Variants in BEST1 observed in about 807,000 individuals in gnomAD.
The protein encoded by BEST1 is bestrophin 1.
In BEST1, 58 loss-of-function variants were observed where a neutral mutation model predicts 63.3. That is an observed-to-expected ratio of 0.92 (90% CI 0.74 to 1.14). The LOEUF (loss-of-function observed/expected upper bound fraction) is 1.14. Ranked by LOEUF, BEST1 falls within the 50% of genes most tolerant of loss-of-function variation. The probability of loss-of-function intolerance (pLI) is 0.00; values close to 1 mark genes in which losing one functional copy is unlikely to be tolerated. For synonymous variants in BEST1, 283 were observed against 291.6 expected (o/e 0.97, Z 0.30); for missense variants, 671 against 740.1 (o/e 0.91, Z 1.08).
In BEST1 at chr11:61,964,195, T is replaced by C. The variant is rs1403941659; in HGVS notation, c.*73T>C. On this transcript the variant is annotated 3_prime_UTR_variant, in exon 11 of 11. Transcript: ENST00000378043. ...GTACACCAGCAGGACACTGATCCAG[T>C]CACAGCCATACAGCTGTCCACACTG... is the stretch of plus-strand genomic sequence containing the variant. The C allele has an allele frequency of 1.2e-5, 20 of 1,609,946 alleles. No individual in the cohort carries two copies. Among genetic ancestry groups the C allele is most frequent in the Non-Finnish European group, 1.7e-5 (20 of 1,178,618 alleles).
chr11:61,964,906 G>T, downstream of BEST1: 1 of 1,612,156 alleles, frequency 6.2e-7, no homozygotes, highest in Non-Finnish European at 8.5e-7. Context: ...AAAACAATGG[G>T]GAAGACAGTT....
At chr11:61,952,532 T>C (rs112720784) in intron 2 of BEST1, among the ~76,000 whole-genome samples, 1,702 of 146,700 alleles carry the variant, frequency 0.012, 28 homozygotes, top group African/African-American at 0.04. Context: ...GTGGGGGCAA[T>C]CTTGGCTCAC....
At position 61,955,340 on chromosome 11, in the gene BEST1, T is replaced by C. The variant is rs1941189341; in HGVS notation, c.247+139T>C. 5 of 1,531,208 alleles carry C rather than the reference T, an allele frequency of 3.3e-6. 1 individual carries two copies. In the South Asian group the frequency reaches 6.1e-5, roughly 19 times the overall value. 94.9% of individuals were successfully genotyped at this position (1,531,208 alleles called of 1,614,324 possible). A position where few individuals can be genotyped will look rare whatever the true frequency, so the allele number is the denominator to read the frequency against. ...CCAGCGGCAGGTCGGCGCCTCTCTG[T>C]AGGGAAAGGTGCGGACTGCAGCCAG... On this transcript the variant is annotated intron_variant, in intron 3 of 10. Coordinates refer to ENST00000378043, the MANE Select transcript of BEST1 (RefSeq NM_004183.4).
At chr11:61,958,916 ACACACACG>A (rs370893320) in intron 7 of BEST1, 91,416 of 179,314 alleles carry the variant, frequency 0.51, 27,706 homozygotes, top group Non-Finnish European at 0.63. Flanking sequence ...ATACACACAC[ACACACACG>A]CATTCCTATT....
intron 7 of BEST1, 109 bp from the exon 8 acceptor site, chr11:61,959,389 C>T: frequency 1.9e-6 from 2 of 1,055,480 alleles, no homozygotes; most frequent in Non-Finnish European, 2.9e-6. Flanking sequence ...AGTGGTCAGG[C>T]AGGAAGGGCG....
intron 3 of BEST1, 40 bp downstream of exon 3, chr11:61,955,241 G>T: frequency 1.2e-6 from 2 of 1,609,350 alleles, no homozygotes; most frequent in South Asian, 1.1e-5. Flanking sequence ...CCCTGTGGCC[G>T]CCCAGGCTCC....
At chr11:61,954,247 C>G (rs979869748) in intron 2 of BEST1, among the ~76,000 whole-genome samples, 1 of 152,078 alleles carries the variant, frequency 6.6e-6, no homozygotes, top group African/African-American at 2.4e-5. Flanking sequence ...TATCAACACC[C>G]CCACACTACA....
chr11:61,962,706 G>C lies in BEST1; in HGVS notation c.1552G>C (p.Glu518Gln). 2 of 1,614,256 alleles carry C rather than the reference G, an allele frequency of 1.2e-6. No homozygotes were observed. Among genetic ancestry groups the C allele is most frequent in the Non-Finnish European group, 1.7e-6 (2 of 1,180,052 alleles). The change falls in exon 10 of 11, where the codon GAG becomes CAG. Residue 518 changes from glutamate (E) to glutamine (Q), a missense_variant. Transcript: ENST00000378043. The stretch of plus-strand genomic sequence containing the variant: ...CAAGAAAAGTTTTGAATTGCTCTCA[G>C]AGAGCGATGGGGCCTTGATGGAGCA... Reference protein sequence around the residue: ...GAKKSFELLSESDGALMEHPE... With the variant: ...GAKKSFELLSQSDGALMEHPE...
Position 61,962,967 on chromosome 11 carries a change from C to A in BEST1, c.1739+74C>A, listed in dbSNP as rs566374710. On this transcript the variant is annotated intron_variant, in intron 10 of 10. Transcript: ENST00000378043. Reference sequence around the variant, plus strand: ...CCCAGCTTCCCTTGCTCTGAGCCTACCCTTCCTCCACAATTTCCTAGGGTT... The same window carrying A: ...CCCAGCTTCCCTTGCTCTGAGCCTAACCTTCCTCCACAATTTCCTAGGGTT... 9.1e-4 allele frequency: 1,474 copies of A among 1,612,814 alleles called. 31 individuals carry two copies. In the South Asian group the frequency reaches 0.016, roughly 17 times the overall value.
chr11:61,955,678 C>A lies in BEST1; in HGVS notation c.248-40C>A, dbSNP rs1327175560. 1.8e-5 allele frequency: 27 copies of A among 1,528,458 alleles called. No individual in the cohort carries two copies. The Admixed American group carries it at 2.4e-4, about 13-fold the overall frequency. The allele number at this position is 1,528,458 out of a possible 1,614,324, so 94.7% of individuals were successfully genotyped here. A position where few individuals can be genotyped will look rare whatever the true frequency, so the allele number is the denominator to read the frequency against. ...GCTGGGCCCTGGGCTCTGGCCGCAG[C>A]CTGGCCCCTCGCCCCTCGCCCCCCG... On this transcript the variant is annotated intron_variant, in intron 3 of 10. Coordinates refer to ENST00000378043, the MANE Select transcript of BEST1 (RefSeq NM_004183.4).
At chr11:61,951,981 G>C (rs750997078) in intron 2 of BEST1, 23 bp downstream of exon 2, 5 of 1,610,176 alleles carry the variant, frequency 3.1e-6, no homozygotes, top group Non-Finnish European at 3.4e-6. Context: ...GGGCTGGGCC[G>C]GGGGGCCTGG....
chr11:61,965,269 G>T, downstream of BEST1: 1 of 1,591,850 alleles, frequency 6.3e-7, no homozygotes, highest in Non-Finnish European at 8.6e-7. Context: ...AAAGCCCAGT[G>T]TATCATCACT....
intron 9 of BEST1, chr11:61,961,921 G>C (rs1942104428): frequency 2.7e-6 from 1 of 375,084 alleles, no homozygotes. Context: ...CTCATGCCAG[G>C]GCACCAGTGT....
chr11:61,952,594 G>A (rs1940825747), intron 2 of BEST1, among the ~76,000 whole-genome samples: 1 of 150,538 alleles, frequency 6.6e-6, no homozygotes. Context: ...AGCCTCCTGA[G>A]TAGCTGGAAT....
intron 3 of BEST1, 193 bp downstream of exon 3, chr11:61,955,394 C>T: frequency 2.1e-6 from 3 of 1,449,842 alleles, no homozygotes; most frequent in East Asian, 2.5e-5. Context: ...TTAGGTAAGA[C>T]GTCCTGCCGT....
At chr11:61,960,257 G>A (rs886620315) in intron 9 of BEST1, 1 of 698,006 alleles carries the variant, frequency 1.4e-6, no homozygotes, top group Admixed American at 2.8e-5. Context: ...GGTTCAGAGA[G>A]AGTAAGTTGT....
chr11:61,962,297 C>G lies in BEST1; in HGVS notation c.1143C>G (p.Asp381Glu), dbSNP rs112199774. Residue 381 changes from aspartate to glutamate, a missense_variant, in exon 10 of 11, where the codon GAC (aspartate) becomes GAG (glutamate). Transcript: ENST00000378043. ...TGGAGTTCCAGCCCAATCAGGAGGACGAGGAGGATGCTCACGCTGGCATCA... is the reference window on the plus strand; with the variant it reads ...TGGAGTTCCAGCCCAATCAGGAGGAGGAGGAGGATGCTCACGCTGGCATCA... ...EEMEFQPNQE[D>E]EEDAHAGIIG... is the part of the protein sequence containing the mutation. 6 of 1,614,040 alleles carry G rather than the reference C, an allele frequency of 3.7e-6. No individual in the cohort carries two copies. The highest frequency in any genetic ancestry group is 3.4e-6 in the Non-Finnish European group (4 of 1,180,030).
chr11:61,951,747 C>A, intron 1 of BEST1, 24 bp from the exon 2 acceptor site: 1 of 1,603,184 alleles, frequency 6.2e-7, no homozygotes, highest in South Asian at 1.1e-5. Context: ...CTACAAACCC[C>A]CAATCGGTGT....
At chr11:61,955,307 G>T in intron 3 of BEST1, 106 bp downstream of exon 3, 1 of 1,578,764 alleles carries the variant, frequency 6.3e-7, no homozygotes, top group South Asian at 1.1e-5. Context: ...GGAGGGGGCG[G>T]GGGAACGCCA....
Sources: allele counts gnomAD v4.1 joint callset (sites outside exome capture counted in the v4.1 genomes callset), GRCh38; gene constraint gnomAD v4.1.1; transcripts MANE v1.5; gene names NCBI Gene and HGNC (gene_info 2026-07-23, HGNC 2026-07-21).